NALF1: variants seen among roughly 807,000 people sequenced by gnomAD.
NALF1 encodes the protein NALCN channel auxiliary factor 1, also known as family with sequence similarity 155 member A.
NALF1 carries 3 observed loss-of-function variants against 48.4 expected under a neutral mutation model. The observed-to-expected ratio is 0.06, with a 90% CI of 0.03 to 0.16. The LOEUF is 0.16. Ranked by LOEUF, NALF1 falls within the 10% of genes least tolerant of loss-of-function variation. The probability of loss-of-function intolerance (pLI) is 1.00; values close to 1 mark genes in which losing one functional copy is unlikely to be tolerated. For missense variants in NALF1, 526 were observed against 571.5 expected, an observed-to-expected ratio of 0.92 and a Z score of 0.81; for synonymous variants, 262 against 245.7, an observed-to-expected ratio of 1.07 and a Z score of -0.62.
intron 1 of NALF1, among the ~76,000 whole-genome samples, chr13:107,333,495 A>G (rs1034398071): frequency 6.6e-6 from 1 of 152,194 alleles, no homozygotes; most frequent in Non-Finnish European, 1.5e-5. Context: ...TTGGAGACAG[A>G]CCTGTGGAGG....
intron 1 of NALF1, among the ~76,000 whole-genome samples, chr13:107,480,952 A>C (rs973536141): frequency 6.6e-6 from 1 of 152,180 alleles, no homozygotes; most frequent in African/African-American, 2.4e-5. Flanking sequence ...AATCTTTAAA[A>C]ATATTCCAAA....
intron 1 of NALF1, among the ~76,000 whole-genome samples, chr13:107,541,470 T>TA (rs1876997091): frequency 6.6e-6 from 1 of 152,060 alleles, no homozygotes; most frequent in African/African-American, 2.4e-5. Flanking sequence ...CTTTTGAGTT[T>TA]AAAAAGAGAA....
At chr13:107,574,785 TG>T (rs1332080678) in intron 1 of NALF1, among the ~76,000 whole-genome samples, 2 of 152,146 alleles carry the variant, frequency 1.3e-5, no homozygotes, top group African/African-American at 4.8e-5. Flanking sequence ...TGCATATCAA[TG>T]AACAGCCTTT....
chr13:107,269,913 ATTTTTTTTTTTTTTTT>A (rs71121514), intron 1 of NALF1, among the ~76,000 whole-genome samples: 6 of 89,044 alleles, frequency 6.7e-5, no homozygotes, highest in African/African-American at 1.4e-4. Context: ...CGCCCGGCTA[ATTTTTTTTTTTTTTTT>A]TTTTTTTTTT....
At chr13:107,852,659 C>T (rs563009536) in intron 1 of NALF1, among the ~76,000 whole-genome samples, 5 of 152,270 alleles carry the variant, frequency 3.3e-5, no homozygotes, top group Non-Finnish European at 7.4e-5. Context: ...ATTCCACAAG[C>T]ATGGGCAACC....
At chr13:107,241,448 A>T (rs930160223) in intron 1 of NALF1, among the ~76,000 whole-genome samples, 5 of 152,192 alleles carry the variant, frequency 3.3e-5, no homozygotes, top group African/African-American at 1.2e-4. Context: ...AATAAAGTTA[A>T]TGGCGCCTAC....
At chr13:107,791,776 C>CCTG (rs756067796) in intron 1 of NALF1, among the ~76,000 whole-genome samples, 88 of 120,514 alleles carry the variant, frequency 7.3e-4, no homozygotes, top group Non-Finnish European at 1.2e-3. Flanking sequence ...CGTGGTGATC[C>CCTG]CCGCCCCCCC....
At chr13:107,316,101 T>A (rs1193866362) in intron 1 of NALF1, among the ~76,000 whole-genome samples, 2 of 151,986 alleles carry the variant, frequency 1.3e-5, no homozygotes, top group Admixed American at 1.3e-4. Context: ...CCTGTGTCCA[T>A]GTGTTCTCAT....
At position 107,275,184 on chromosome 13, in the gene NALF1, CT is replaced by C. The variant is rs150645109; in HGVS notation, c.916-64430del. On this transcript the variant is annotated intron_variant, in intron 1 of 2. Transcript: ENST00000375915. ...CCTTCTTTAAGTGTTATTCTATTAA[CT>C]TTTTTGATCTCCTTTTTTAAAGTAA... 8.8e-3 allele frequency among the ~76,000 whole-genome samples: 1,342 copies of C among 152,210 alleles called. 14 individuals are homozygous for C. Among genetic ancestry groups the C allele is most frequent in the African/African-American group, 0.031 (1,268 of 41,534 alleles).
At position 107,385,291 on chromosome 13, in the gene NALF1, G is replaced by A. The variant is rs574151634; in HGVS notation, c.916-174536C>T. Among the ~76,000 whole-genome samples the A allele has an allele frequency of 1.4e-4, 22 of 152,148 alleles. No individual in the cohort carries two copies. In the South Asian group the frequency reaches 2.1e-3, roughly 14 times the overall value. ...TATCTGGCAGGGCGCAGTGGCTCACGCCTGTAATCCCAGCACTTTGGGAGG... is the reference window on the plus strand; with the variant it reads ...TATCTGGCAGGGCGCAGTGGCTCACACCTGTAATCCCAGCACTTTGGGAGG... On this transcript the variant is annotated intron_variant, in intron 1 of 2. Transcript: ENST00000375915.
chr13:107,598,756 T>A (rs1368205265), intron 1 of NALF1, among the ~76,000 whole-genome samples: 1 of 152,154 alleles, frequency 6.6e-6, no homozygotes, highest in Admixed American at 6.5e-5. Context: ...AGGTCTCTGA[T>A]CAGCATCATT....
intron 1 of NALF1, among the ~76,000 whole-genome samples, chr13:107,380,918 C>A (rs184737470): frequency 1.0e-3 from 144 of 143,634 alleles, no homozygotes; most frequent in African/African-American, 3.5e-3. Context: ...GCGGAGCTTG[C>A]AGAGAGCAGA....
chr13:107,806,518 C>T (rs1878795835), intron 1 of NALF1, among the ~76,000 whole-genome samples: 1 of 152,000 alleles, frequency 6.6e-6, no homozygotes, highest in African/African-American at 2.4e-5. Context: ...CTTTGAACAG[C>T]AAGGGACTGT....
intron 1 of NALF1, among the ~76,000 whole-genome samples, chr13:107,472,069 C>T (rs374222954): frequency 1.2e-4 from 19 of 152,174 alleles, no homozygotes; most frequent in Non-Finnish European, 2.5e-4. Flanking sequence ...CATTGGCTCA[C>T]GCCTGTAATC....
chr13:107,169,131 C>T lies in NALF1; in HGVS notation c.*1366G>A, dbSNP rs534165174. ...TCCCACAAAGAAAATAAAATACAAACAGTGATCAGACCTCTTTTCCTCAAC... is the reference window on the plus strand; with the variant it reads ...TCCCACAAAGAAAATAAAATACAAATAGTGATCAGACCTCTTTTCCTCAAC... On this transcript the variant is annotated 3_prime_UTR_variant, in exon 3 of 3. Coordinates refer to ENST00000375915, the MANE Select transcript of NALF1 (RefSeq NM_001080396.3). 2.0e-5 allele frequency: 3 copies of T among 152,400 alleles called. No individual in the cohort carries two copies. 9.4% of individuals were successfully genotyped at this position (152,400 alleles called of 1,614,324 possible). A position where few individuals can be genotyped will look rare whatever the true frequency, so the allele number is the denominator to read the frequency against.
At chr13:107,548,043 G>A (rs1045917169) in intron 1 of NALF1, among the ~76,000 whole-genome samples, 1 of 151,944 alleles carries the variant, frequency 6.6e-6, no homozygotes, top group African/African-American at 2.4e-5. Context: ...CGTGTCACAG[G>A]CATTTATTGT....
At chr13:107,402,020 T>C (rs2138992202) in intron 1 of NALF1, among the ~76,000 whole-genome samples, 1 of 152,294 alleles carries the variant, frequency 6.6e-6, no homozygotes, top group African/African-American at 2.4e-5. Flanking sequence ...CTTCACCTCC[T>C]GGTATTCATG....
At position 107,613,348 on chromosome 13, in the gene NALF1, C is replaced by A. The variant is rs139072536; in HGVS notation, c.915+252334G>T. 9.4e-4 allele frequency among the ~76,000 whole-genome samples: 143 copies of A among 152,266 alleles called. 3 individuals are homozygous for A. In the East Asian group the frequency reaches 0.016, roughly 17 times the overall value. ...TGAAAATTGGCAGGTAGGCGGCCTC[C>A]GCAATAACCCTGACTGGGTAAATTC... On this transcript the variant is annotated intron_variant, in intron 1 of 2. Coordinates refer to ENST00000375915, the MANE Select transcript of NALF1 (RefSeq NM_001080396.3).
intron 1 of NALF1, among the ~76,000 whole-genome samples, chr13:107,465,316 TATA>T (rs1566353544): frequency 2.2e-3 from 18 of 8,006 alleles, no homozygotes; most frequent in Non-Finnish European, 4.1e-3. Flanking sequence ...TGTATAATTA[TATA>T]TATATATATA....
Sources: allele counts gnomAD v4.1 joint callset (sites outside exome capture counted in the v4.1 genomes callset), GRCh38; gene constraint gnomAD v4.1.1; transcripts MANE v1.5; gene names NCBI Gene and HGNC (gene_info 2026-07-23, HGNC 2026-07-21).